The following EPHA6 variants were observed in gnomAD, a reference collection of about 807,000 sequenced individuals.
EPHA6 encodes the protein EPH receptor A6, also known as ephrin type-A receptor 6.
In EPHA6, 50 loss-of-function variants were observed where a neutral mutation model predicts 112.0. The ratio of observed to expected loss-of-function variants is 0.45; its 90% CI spans 0.36 to 0.56. The LOEUF is 0.56. Ranked by LOEUF, EPHA6 falls within the 20% of genes least tolerant of loss-of-function variation. EPHA6 has a pLI of 0.00. For missense variants in EPHA6, 1,280 were observed against 1,417.4 expected, an observed-to-expected ratio of 0.90 and a Z score of 1.56; for synonymous variants, 529 against 490.7, an observed-to-expected ratio of 1.08 and a Z score of -1.03.
chr3:97,717,726 T>C (rs944701771), intron 14 of EPHA6, among the ~76,000 whole-genome samples: 2 of 152,204 alleles, frequency 1.3e-5, no homozygotes, highest in African/African-American at 4.8e-5. Flanking sequence ...GGGAACACAA[T>C]TGAGTTCATA....
intron 3 of EPHA6, among the ~76,000 whole-genome samples, chr3:97,171,639 A>G (rs1249246028): frequency 6.6e-6 from 1 of 152,278 alleles, no homozygotes; most frequent in South Asian, 2.1e-4. Flanking sequence ...TGATAGTACA[A>G]TTACCAGAAT....
In EPHA6 at chr3:97,177,649, A is replaced by G. The variant is rs116242859; in HGVS notation, c.1115-48615A>G. Among the ~76,000 whole-genome samples, 1,218 of 152,024 alleles carry G rather than the reference A, an allele frequency of 8.0e-3. 17 individuals are homozygous for G. Among genetic ancestry groups the G allele is most frequent in the African/African-American group, 0.026 (1,089 of 41,534 alleles). ...GTGTGCTCCAGTGTTTGGTTCATAT[A>G]TATTTACAATTATGATATCTTTTTG... On this transcript the variant is annotated intron_variant, in intron 3 of 17. Coordinates refer to ENST00000389672, the MANE Select transcript of EPHA6 (RefSeq NM_001080448.3).
At chr3:97,101,261 C>T (rs1447599328) in intron 3 of EPHA6, among the ~76,000 whole-genome samples, 1 of 151,954 alleles carries the variant, frequency 6.6e-6, no homozygotes, top group Non-Finnish European at 1.5e-5. Flanking sequence ...GATATCTATT[C>T]TAACCACTTC....
chr3:97,354,620 A>G (rs6790389), intron 5 of EPHA6, among the ~76,000 whole-genome samples: 5,899 of 152,196 alleles, frequency 0.039, 158 homozygotes, highest in Middle Eastern at 0.078. Flanking sequence ...AAAATAGCCA[A>G]AAAAGGGAAA....
intron 11 of EPHA6, among the ~76,000 whole-genome samples, chr3:97,541,326 C>G (rs933542022): frequency 1.3e-5 from 2 of 152,112 alleles, no homozygotes; most frequent in African/African-American, 4.8e-5. Flanking sequence ...CTCATATAAC[C>G]TTCACTAACT....
At chr3:97,425,774 G>T (rs1367107160) in intron 6 of EPHA6, among the ~76,000 whole-genome samples, 1 of 152,070 alleles carries the variant, frequency 6.6e-6, no homozygotes, top group Non-Finnish European at 1.5e-5. Context: ...AAACTGTTAT[G>T]CTCTGCTTCC....
chr3:97,447,814 C>T (rs1301179581), intron 6 of EPHA6: 10 of 1,014,170 alleles, frequency 9.9e-6, no homozygotes, highest in African/African-American at 1.7e-5. Context: ...TCAAGCCCTG[C>T]CTCTGATTCT....
chr3:97,105,335 A>G (rs2047532187), intron 3 of EPHA6, among the ~76,000 whole-genome samples: 1 of 151,982 alleles, frequency 6.6e-6, no homozygotes, highest in Non-Finnish European at 1.5e-5. Flanking sequence ...TGTCACAGAG[A>G]TTCTGGTATG....
At chr3:97,038,849 C>T (rs1305892872) in intron 3 of EPHA6, among the ~76,000 whole-genome samples, 3 of 151,988 alleles carry the variant, frequency 2.0e-5, no homozygotes, top group Non-Finnish European at 4.4e-5. Context: ...AGAAGGGCAT[C>T]GCAGATATGG....
At chr3:97,214,494 A>G (rs1157034398) in intron 3 of EPHA6, among the ~76,000 whole-genome samples, 3 of 151,460 alleles carry the variant, frequency 2.0e-5, no homozygotes, top group African/African-American at 7.3e-5. Context: ...AAAAAAAAAA[A>G]AAAAAGAAAA....
At chr3:97,708,120 G>A (rs1559617651) in intron 14 of EPHA6, among the ~76,000 whole-genome samples, 1 of 152,190 alleles carries the variant, frequency 6.6e-6, no homozygotes, top group Admixed American at 6.5e-5. Flanking sequence ...ATTTTGGAGG[G>A]CTCAGAAGGA....
chr3:97,302,886 C>CT (rs1306374456), intron 5 of EPHA6, among the ~76,000 whole-genome samples: 9 of 151,066 alleles, frequency 6.0e-5, no homozygotes, highest in Non-Finnish European at 1.0e-4. Context: ...CTCAGTATAG[C>CT]TTTTTTCTGC....
At chr3:97,643,596 G>T (rs1221952540) in intron 14 of EPHA6, among the ~76,000 whole-genome samples, 8 of 149,356 alleles carry the variant, frequency 5.4e-5, no homozygotes, top group African/African-American at 1.2e-4. Context: ...GATGGAGGAA[G>T]ATCTACCAAG....
chr3:96,999,501 TCTC>T (rs1200884314), intron 3 of EPHA6, among the ~76,000 whole-genome samples: 2 of 148,584 alleles, frequency 1.3e-5, no homozygotes, highest in African/African-American at 2.4e-5. Context: ...TCACATATCA[TCTC>T]CTATCACATA....
chr3:97,068,707 A>G (rs1417004859), intron 3 of EPHA6, among the ~76,000 whole-genome samples: 1 of 152,038 alleles, frequency 6.6e-6, no homozygotes, highest in African/African-American at 2.4e-5. Flanking sequence ...CCAGTGTGAT[A>G]GGAAAGGAGG....
chr3:97,466,160 ACATTTCCACTC>A (rs1038143219), intron 7 of EPHA6: 6 of 636,616 alleles, frequency 9.4e-6, no homozygotes. Context: ...AAAGGTAAGC[ACATTTCCACTC>A]CATTTCACCC....
intron 11 of EPHA6, among the ~76,000 whole-genome samples, chr3:97,589,748 G>A (rs1466201794): frequency 1.3e-5 from 2 of 152,060 alleles, no homozygotes; most frequent in South Asian, 4.2e-4. Context: ...GTAACGGCTA[G>A]AGGAATACTC....
At chr3:96,971,458 T>C (rs1478299365) in intron 2 of EPHA6, among the ~76,000 whole-genome samples, 1 of 152,126 alleles carries the variant, frequency 6.6e-6, no homozygotes, top group Non-Finnish European at 1.5e-5. Flanking sequence ...TCTCCAAAGC[T>C]GGTTATCATT....
chr3:97,218,925 C>T (rs527610542), intron 3 of EPHA6, among the ~76,000 whole-genome samples: 2 of 151,946 alleles, frequency 1.3e-5, no homozygotes, highest in African/African-American at 2.4e-5. Flanking sequence ...TACACCCATT[C>T]CAAATGGGAG....
Sources: allele counts gnomAD v4.1 joint callset (sites outside exome capture counted in the v4.1 genomes callset), GRCh38; gene constraint gnomAD v4.1.1; transcripts MANE v1.5; gene names NCBI Gene and HGNC (gene_info 2026-07-23, HGNC 2026-07-21).